SRP19: variants seen among roughly 807,000 people sequenced by gnomAD.
SRP19 encodes the protein signal recognition particle 19.
In SRP19, 11 loss-of-function variants were observed where a neutral mutation model predicts 22.4. The observed-to-expected ratio is 0.49, with a 90% CI of 0.31 to 0.81. The LOEUF (loss-of-function observed/expected upper bound fraction) is 0.81. Ranked by LOEUF, SRP19 falls within the 40% of genes least tolerant of loss-of-function variation. SRP19 has a pLI of 0.05. For synonymous variants in SRP19, 61 were observed against 57.6 expected (o/e 1.06, Z -0.27); for missense variants, 168 against 175.9 (o/e 0.96, Z 0.25).
At chr5:112,892,857 T>C (rs754062539) in exon 5 of SRP19, 1 of 1,612,538 alleles carries the variant, frequency 6.2e-7, no homozygotes, top group Non-Finnish European at 8.5e-7. Flanking sequence ...AAAAGAGTAG[T>C]CATAGGGGGA....
At chr5:112,862,719 T>TG in intron 2 of SRP19, 136 bp downstream of exon 2, 2 of 737,644 alleles carry the variant, frequency 2.7e-6, no homozygotes, top group Non-Finnish European at 4.5e-6. Flanking sequence ...AGCCAAGAAT[T>TG]GGGGTGCGTT....
downstream of SRP19, among the ~76,000 whole-genome samples, chr5:112,874,732 C>G (rs1767855685): frequency 6.6e-6 from 1 of 151,784 alleles, no homozygotes; most frequent in African/African-American, 2.4e-5. Context: ...TTTTTAACAA[C>G]ACTCCTCTCC....
downstream of SRP19, among the ~76,000 whole-genome samples, chr5:112,871,497 C>G (rs1186427986): frequency 1.3e-5 from 2 of 151,828 alleles, no homozygotes; most frequent in African/African-American, 4.8e-5. Flanking sequence ...TGGCTCATGC[C>G]TGTAATCTCA....
intron 4 of SRP19, chr5:112,885,205 C>A: frequency 5.9e-6 from 1 of 170,118 alleles, no homozygotes; most frequent in Non-Finnish European, 1.3e-5. Flanking sequence ...ATGGTGAGTG[C>A]TGTGGGGGTG....
intron 4 of SRP19, among the ~76,000 whole-genome samples, chr5:112,866,335 C>G (rs1580715436): frequency 6.6e-6 from 1 of 151,942 alleles, no homozygotes; most frequent in East Asian, 1.9e-4. Context: ...AGGCTGGTCT[C>G]GAACTCTCGA....
downstream of SRP19, chr5:112,895,042 T>C (rs1474803206): frequency 6.6e-6 from 1 of 151,600 alleles, no homozygotes; most frequent in African/African-American, 2.4e-5. Context: ...TTCGAGACCA[T>C]CCTGGCCAAC....
chr5:112,863,265 A>G (rs1767474134), intron 2 of SRP19, among the ~76,000 whole-genome samples: 1 of 152,116 alleles, frequency 6.6e-6, no homozygotes, highest in Non-Finnish European at 1.5e-5. Context: ...GGAATTACAC[A>G]CTATGTAATT....
chr5:112,879,772 G>A (rs1004290878), intron 4 of SRP19, among the ~76,000 whole-genome samples: 5 of 151,756 alleles, frequency 3.3e-5, no homozygotes, highest in African/African-American at 7.3e-5. Context: ...CACCATGCCC[G>A]GCCTCTTCCA....
At chr5:112,889,448 T>C (rs917248527) in intron 4 of SRP19, among the ~76,000 whole-genome samples, 4 of 150,756 alleles carry the variant, frequency 2.7e-5, no homozygotes, top group Non-Finnish European at 5.9e-5. Context: ...AATAAGTAAA[T>C]AGGATGATAA....
downstream of SRP19, among the ~76,000 whole-genome samples, chr5:112,873,354 T>C (rs1232685731): frequency 2.1e-5 from 3 of 146,224 alleles, no homozygotes. Flanking sequence ...TCTTTTTTTT[T>C]TTTTTTTTTT....
At chr5:112,866,197 A>T (rs1258533892) in intron 4 of SRP19, among the ~76,000 whole-genome samples, 3 of 150,366 alleles carry the variant, frequency 2.0e-5, no homozygotes, top group Non-Finnish European at 4.4e-5. Flanking sequence ...GCTCACCGCA[A>T]CCTCCGCCTC....
exon 5 of SRP19, chr5:112,892,444 C>G: frequency 2.5e-6 from 4 of 1,614,086 alleles, no homozygotes; most frequent in Non-Finnish European, 3.4e-6. Context: ...CAATTTGGAA[C>G]CTCACCTGAG....
rs5870515 is a variant in SRP19, at chr5:112,875,372, GTT to G, written c.301+10653_301+10654del. 4.5e-4 allele frequency among the ~76,000 whole-genome samples: 64 copies of G among 142,932 alleles called. No homozygotes were observed. The South Asian group carries it at 5.7e-3, about 13-fold the overall frequency. The allele number at this position is 142,932 out of a possible 152,430, so 93.8% of individuals were successfully genotyped here. A position where few individuals can be genotyped will look rare whatever the true frequency, so the allele number is the denominator to read the frequency against. On this transcript the variant is annotated intron_variant, in intron 4 of 4. Coordinates refer to the SRP19 transcript ENST00000391338. Reference sequence around the variant, plus strand: ...GAAGTACGTTTTGTTTTTGTTTTTGGTTTTTTTTTTTTTTGAGACAGGGTCTG... The same window carrying G: ...GAAGTACGTTTTGTTTTTGTTTTTGGTTTTTTTTTTTTGAGACAGGGTCTG...
downstream of SRP19, chr5:112,896,475 A>T (rs1580743213): frequency 6.6e-6 from 1 of 152,082 alleles, no homozygotes; most frequent in African/African-American, 2.4e-5. Flanking sequence ...GTGAGCAGAG[A>T]TCACGCCACT....
In SRP19 at chr5:112,875,432, C is replaced by T. The variant is rs114467045; in HGVS notation, c.301+10700C>T. Among the ~76,000 whole-genome samples the T allele has an allele frequency of 4.5e-3, 685 of 151,682 alleles. 7 individuals are homozygous for T. Among genetic ancestry groups the T allele is most frequent in the African/African-American group, 0.016 (655 of 41,352 alleles). On this transcript the variant is annotated intron_variant, in intron 4 of 4. Transcript: ENST00000391338. ...CGCCCAGGCTGGAGTGCACTGGCAC[C>T]GTCTTGGCTCACTGCAGCCTTGACC...
rs1435193577 is a variant in SRP19 at position 112,862,548 on chromosome 5, A to G, written c.82A>G (p.Thr28Ala). 6.2e-7 allele frequency: 1 copy of G among 1,613,878 alleles called. No individual in the cohort carries two copies. Among genetic ancestry groups the G allele is most frequent in the African/African-American group, 1.3e-5 (1 of 74,922 alleles). Residue 28 changes from threonine (T) to alanine (A), a missense_variant, in exon 2 of 5, where the codon ACC (threonine) becomes GCC (alanine). Thr to Ala is a moderately conservative substitution (Grantham distance 58). Coordinates refer to ENST00000505459, the MANE Select transcript of SRP19 (RefSeq NM_003135.3). ...TCCTGCTTATTTAAATAATAAGAAGACCATCGCAGAGGGAAGGCGAATCCC... is the reference window on the plus strand; with the variant it reads ...TCCTGCTTATTTAAATAATAAGAAGGCCATCGCAGAGGGAAGGCGAATCCC... ...IYPAYLNNKK[T>A]IAEGRRIPIS...
At chr5:112,897,098 AATAAC>A (rs1768705347), downstream of SRP19, 1 of 152,102 alleles carries the variant, frequency 6.6e-6, no homozygotes, top group Non-Finnish European at 1.5e-5. Context: ...AAAAATACTG[AATAAC>A]ATGAGAAAAT....
chr5:112,862,529 T>G lies in SRP19; in HGVS notation c.63T>G (p.Ala21=). The G allele has an allele frequency of 6.2e-7, 1 of 1,614,072 alleles. No homozygotes were observed. Residue 21 remains alanine, a synonymous_variant, in exon 2 of 5, where the codon GCT becomes GCG. Transcript: ENST00000505459. The part of the protein sequence containing the change: ...DQDRFICIYP[A]YLNNKKTIAE... ...GCAGGTTTATTTGTATCTATCCTGCTTATTTAAATAATAAGAAGACCATCG... is the reference window on the plus strand; with the variant it reads ...GCAGGTTTATTTGTATCTATCCTGCGTATTTAAATAATAAGAAGACCATCG...
chr5:112,887,455 G>A (rs965805450), intron 4 of SRP19, among the ~76,000 whole-genome samples: 3 of 152,130 alleles, frequency 2.0e-5, no homozygotes, highest in African/African-American at 4.8e-5. Context: ...CTTGGACCAC[G>A]TTTTAGTATA....
Sources: allele counts gnomAD v4.1 joint callset (sites outside exome capture counted in the v4.1 genomes callset), GRCh38; gene constraint gnomAD v4.1.1; transcripts MANE v1.5; gene names NCBI Gene and HGNC (gene_info 2026-07-23, HGNC 2026-07-21).